Variants in TNIP3 observed in about 807,000 individuals in gnomAD.
TNIP3 encodes the protein TNFAIP3-interacting protein 3.
A neutral mutation model predicts 54.1 loss-of-function variants in TNIP3; 34 were observed. The ratio of observed to expected loss-of-function variants is 0.63; its 90% confidence interval spans 0.48 to 0.84. The LOEUF is 0.84. Ranked by LOEUF, TNIP3 falls within the 40% of genes least tolerant of loss-of-function variation. The probability of loss-of-function intolerance (pLI) is 0.00; values close to 1 mark genes in which losing one functional copy is unlikely to be tolerated. For synonymous variants in TNIP3, 134 were observed against 136.8 expected (o/e 0.98, Z 0.14); for missense variants, 366 against 387.6 (o/e 0.94, Z 0.47).
intron 2 of TNIP3, among the ~76,000 whole-genome samples, chr4:121,188,657 G>T (rs1417411469): frequency 2.0e-5 from 3 of 152,132 alleles, no homozygotes; most frequent in African/African-American, 7.2e-5. Context: ...AATCCAAAAT[G>T]TTATGGTTTA....
intron 10 of TNIP3, among the ~76,000 whole-genome samples, 186 bp from the exon 11 acceptor site, chr4:121,132,848 G>A (rs554376374): frequency 6.6e-6 from 1 of 151,976 alleles, no homozygotes; most frequent in Admixed American, 6.5e-5. Flanking sequence ...ATTATTTTAA[G>A]CATTGACATA....
upstream of TNIP3, among the ~76,000 whole-genome samples, chr4:121,216,931 C>A (rs1726819979): frequency 6.6e-6 from 1 of 152,162 alleles, no homozygotes; most frequent in Non-Finnish European, 1.5e-5. Flanking sequence ...TCTAGGAAGA[C>A]CGCTCATGCC....
chr4:121,184,202 C>G (rs912065439), intron 2 of TNIP3, among the ~76,000 whole-genome samples: 1 of 152,016 alleles, frequency 6.6e-6, no homozygotes, highest in Non-Finnish European at 1.5e-5. Context: ...TGAAAATAAC[C>G]TCTTGGATTG....
intron 2 of TNIP3, among the ~76,000 whole-genome samples, chr4:121,199,784 C>T (rs530061112): frequency 6.6e-6 from 1 of 152,230 alleles, no homozygotes; most frequent in South Asian, 2.1e-4. Flanking sequence ...CCAAGGAAGC[C>T]TAATCTTTTC....
intron 3 of TNIP3, among the ~76,000 whole-genome samples, chr4:121,176,658 TA>T (rs34936208): frequency 2.8e-4 from 41 of 145,384 alleles, no homozygotes; most frequent in Middle Eastern, 3.5e-3. Context: ...AGATTTTGAT[TA>T]AAAAAAAAAC....
chr4:121,154,778 G>A, intron 4 of TNIP3, 99 bp from the exon 5 acceptor site: 1 of 1,129,012 alleles, frequency 8.9e-7, no homozygotes, highest in Non-Finnish European at 1.2e-6. Flanking sequence ...GGCAGATTGA[G>A]GGGTCACCCT....
chr4:121,215,122 T>G (rs973411211), intron 2 of TNIP3, among the ~76,000 whole-genome samples: 1 of 152,214 alleles, frequency 6.6e-6, no homozygotes, highest in African/African-American at 2.4e-5. Flanking sequence ...CCAATTAATT[T>G]TAAACACTAT....
chr4:121,159,186 T>C (rs565945445), intron 2 of TNIP3, among the ~76,000 whole-genome samples: 1 of 151,970 alleles, frequency 6.6e-6, no homozygotes, highest in South Asian at 2.1e-4. Flanking sequence ...GAGGTTGCAG[T>C]GAGCCGAGAT....
upstream of TNIP3, among the ~76,000 whole-genome samples, chr4:121,164,970 T>C (rs190837963): frequency 6.6e-6 from 1 of 151,850 alleles, no homozygotes; most frequent in African/African-American, 2.4e-5. Flanking sequence ...TACTGGGTAG[T>C]ACAGATAAAA....
chr4:121,199,555 A>C (rs1725772027), intron 2 of TNIP3, among the ~76,000 whole-genome samples: 1 of 152,200 alleles, frequency 6.6e-6, no homozygotes, highest in Non-Finnish European at 1.5e-5. Flanking sequence ...ATTTCAACCC[A>C]TGACAAGCTG....
chr4:121,159,137 G>A (rs1730294098), intron 2 of TNIP3, among the ~76,000 whole-genome samples: 2 of 152,176 alleles, frequency 1.3e-5, no homozygotes, highest in South Asian at 4.1e-4. Flanking sequence ...CAGCTACTGG[G>A]GAGGCTGAGG....
chr4:121,220,182 T>C (rs950907800), upstream of TNIP3, among the ~76,000 whole-genome samples: 8 of 152,222 alleles, frequency 5.3e-5, no homozygotes, highest in Admixed American at 1.3e-4. Flanking sequence ...AGCTTTCTTA[T>C]TGATCACATA....
At chr4:121,182,893 A>G (rs1724797215) in intron 2 of TNIP3, 1 of 1,225,062 alleles carries the variant, frequency 8.2e-7, no homozygotes, top group Non-Finnish European at 1.1e-6. Context: ...GGTGTTATTT[A>G]TGTATGATAC....
At chr4:121,225,699 T>A (rs186323822) in intron 1 of TNIP3, among the ~76,000 whole-genome samples, 21 of 152,352 alleles carry the variant, frequency 1.4e-4, no homozygotes, top group Admixed American at 5.2e-4. Context: ...TAAGGTTTTA[T>A]CCTCAGCAGG....
At chr4:121,180,042 G>A (rs903564178) in intron 3 of TNIP3, among the ~76,000 whole-genome samples, 1 of 151,904 alleles carries the variant, frequency 6.6e-6, no homozygotes, top group African/African-American at 2.4e-5. Context: ...CAGTGAAGGT[G>A]AGTGAGAAGG....
At chr4:121,178,694 T>C (rs1008106399) in intron 3 of TNIP3, among the ~76,000 whole-genome samples, 1 of 152,142 alleles carries the variant, frequency 6.6e-6, no homozygotes, top group Non-Finnish European at 1.5e-5. Context: ...CATTTGATAC[T>C]CCCCTGCAGA....
chr4:121,132,658 T>C lies in TNIP3; in HGVS notation c.951A>G (p.Leu317=), dbSNP rs767393265. Residue 317 remains leucine, a synonymous_variant, in exon 11 of 11, where the codon TTA becomes TTG. Coordinates refer to ENST00000057513, the MANE Select transcript of TNIP3 (RefSeq NM_024873.6). The part of the protein sequence containing the change: ...PPDVQHKANG[L]SSVKKVHP ...ACGGATGGACTTTCTTTACTGAGGA[T>C]AAACCTATGGAAAACAGTAGGAAAA... 2.4e-5 allele frequency: 38 copies of C among 1,611,498 alleles called. No individual in the cohort carries two copies. Among genetic ancestry groups the C allele is most frequent in the Middle Eastern group, 3.3e-4 (2 of 6,070 alleles).
chr4:121,154,039 G>T (rs116007809), intron 5 of TNIP3, among the ~76,000 whole-genome samples: 3,669 of 151,726 alleles, frequency 0.024, 170 homozygotes, highest in African/African-American at 0.084. Flanking sequence ...ATGCACACAC[G>T]CACACTTTTC....
intron 3 of TNIP3, among the ~76,000 whole-genome samples, chr4:121,172,824 G>A (rs773356225): frequency 7.2e-5 from 11 of 152,212 alleles, no homozygotes; most frequent in East Asian, 1.9e-4. Flanking sequence ...AATTTTCTGC[G>A]GTCAATTAGA....
Sources: gnomAD v4.1 joint callset for allele counts (sites outside exome capture counted in the v4.1 genomes callset) on GRCh38, gnomAD v4.1.1 for gene constraint, MANE v1.5 for transcripts, NCBI Gene and HGNC (gene_info 2026-07-23, HGNC 2026-07-21) for gene names.